The following XK variants were observed in gnomAD, a reference collection of about 807,000 sequenced individuals.
XK encodes X-linked Kx blood group antigen, Kell and VPS13A binding protein.
Under a neutral mutation model 14.0 loss-of-function variants are expected in XK, and 2 were observed. That is an observed-to-expected ratio of 0.14 (90% CI 0.06 to 0.45). XK has a LOEUF of 0.45. XK is among the 20% of genes least tolerant of loss of function. The pLI is 0.98. For missense variants in XK, 235 were observed against 341.5 expected (o/e 0.69, Z 2.46); for synonymous variants, 149 against 147.5 (o/e 1.01, Z -0.08).
At position 37,729,562 on chromosome X, in the gene XK, C is replaced by T. The variant is rs1050813273; in HGVS notation, c.*1100C>T. On this transcript the variant is annotated 3_prime_UTR_variant, in exon 3 of 3. Transcript: ENST00000378616. ...AGATCTCCAGTTGTATCCTCTGACA[C>T]CCTTTAATGTTCTATATAATTTTTC... 1.2e-4 allele frequency: 13 copies of T among 111,744 alleles called. No individual in the cohort carries two copies. The highest frequency in any genetic ancestry group is 3.9e-4 in the African/African-American group (12 of 30,748). The allele number at this position is 111,744 out of a possible 1,213,427, so 9.2% of individuals were successfully genotyped here. A position where few individuals can be genotyped will look rare whatever the true frequency, so the allele number is the denominator to read the frequency against.
intron 2 of XK, among the ~76,000 whole-genome samples, chrX:37,706,586 G>A (rs1157810599): frequency 3.0e-5 from 3 of 101,378 alleles, no homozygotes; most frequent in African/African-American, 1.2e-4. Context: ...CGTGCAGGTG[G>A]GCCCAGGACA....
chrX:37,719,478 C>T (rs1927828836), intron 2 of XK, among the ~76,000 whole-genome samples: 1 of 110,446 alleles, frequency 9.1e-6, no homozygotes, highest in South Asian at 3.7e-4. Flanking sequence ...GGGACATTTC[C>T]ACTCTACTGT....
At chrX:37,692,261 G>A (rs1301513584) in intron 1 of XK, among the ~76,000 whole-genome samples, 2 of 110,667 alleles carry the variant, frequency 1.8e-5, no homozygotes, top group Non-Finnish European at 3.8e-5. Flanking sequence ...TTATTATTGT[G>A]CATATGTCCC....
At chrX:37,689,450 T>G (rs1468664667) in intron 1 of XK, among the ~76,000 whole-genome samples, 1 of 112,340 alleles carries the variant, frequency 8.9e-6, no homozygotes, top group Non-Finnish European at 1.9e-5. Flanking sequence ...TTAATAATAT[T>G]TCTAAATTGT....
At chrX:37,715,156 A>G (rs2146827318) in intron 2 of XK, among the ~76,000 whole-genome samples, 1 of 110,241 alleles carries the variant, frequency 9.1e-6, no homozygotes, top group African/African-American at 3.3e-5. Flanking sequence ...GTGTGTGTAT[A>G]TATAGTCCTC....
At chrX:37,717,515 G>T (rs1927788014) in intron 2 of XK, among the ~76,000 whole-genome samples, 3 of 111,762 alleles carry the variant, frequency 2.7e-5, no homozygotes, top group Admixed American at 9.5e-5. Flanking sequence ...TTTTGCATAA[G>T]AAAGATGAGC....
chrX:37,718,457 G>A (rs898074082), intron 2 of XK, among the ~76,000 whole-genome samples: 13 of 111,943 alleles, frequency 1.2e-4, no homozygotes, highest in African/African-American at 3.9e-4. Context: ...TGAATATACC[G>A]CAATGTATTG....
At chrX:37,724,151 A>T (rs1012693139) in intron 2 of XK, among the ~76,000 whole-genome samples, 3 of 111,803 alleles carry the variant, frequency 2.7e-5, no homozygotes, top group African/African-American at 9.7e-5. Flanking sequence ...CAGAGTTTTT[A>T]TGTCTAATTA....
intron 2 of XK, among the ~76,000 whole-genome samples, chrX:37,703,380 A>C (rs377343621): frequency 1.8e-5 from 2 of 112,233 alleles, no homozygotes; most frequent in East Asian, 2.8e-4. Flanking sequence ...GTAGGATAAA[A>C]AGAATTCACC....
intron 2 of XK, among the ~76,000 whole-genome samples, chrX:37,697,978 A>G (rs957977002): frequency 9.8e-5 from 11 of 111,852 alleles, no homozygotes; most frequent in Non-Finnish European, 2.1e-4. Flanking sequence ...TGTGAGCTTC[A>G]GTCTTGGGTG....
At chrX:37,712,690 G>A (rs189968875) in intron 2 of XK, among the ~76,000 whole-genome samples, 151 of 111,827 alleles carry the variant, frequency 1.4e-3, no homozygotes, top group Non-Finnish European at 2.0e-3. Flanking sequence ...CTGGGTGGCT[G>A]TGGGTCTTTG....
At chrX:37,698,917 T>C (rs1263533113) in intron 2 of XK, among the ~76,000 whole-genome samples, 2 of 112,129 alleles carry the variant, frequency 1.8e-5, no homozygotes, top group African/African-American at 3.2e-5. Context: ...TGAAAACTGC[T>C]AGATGAAGAA....
chrX:37,710,261 G>A (rs1285305672), intron 2 of XK, among the ~76,000 whole-genome samples: 2 of 111,781 alleles, frequency 1.8e-5, no homozygotes, highest in African/African-American at 3.3e-5. Flanking sequence ...GAAGTCGAGG[G>A]TGTCAACAAA....
intron 2 of XK, among the ~76,000 whole-genome samples, chrX:37,708,618 G>C (rs1556446034): frequency 8.9e-6 from 1 of 112,307 alleles, no homozygotes; most frequent in African/African-American, 3.2e-5. Flanking sequence ...GAACAGACCA[G>C]TACTCCAAGA....
intron 2 of XK, among the ~76,000 whole-genome samples, chrX:37,700,077 G>C (rs1207743955): frequency 8.9e-6 from 1 of 111,849 alleles, no homozygotes; most frequent in Non-Finnish European, 1.9e-5. Flanking sequence ...CTTTCTGCGA[G>C]GTCAGTATGC....
chrX:37,707,233 C>T (rs782767410), intron 2 of XK, among the ~76,000 whole-genome samples: 52 of 110,117 alleles, frequency 4.7e-4, no homozygotes, highest in African/African-American at 1.5e-3. Flanking sequence ...CCCCACCTCC[C>T]GGACGGGGCG....
At chrX:37,692,946 TGTC>T (rs1927229777) in intron 1 of XK, among the ~76,000 whole-genome samples, 1 of 110,320 alleles carries the variant, frequency 9.1e-6, no homozygotes, top group Admixed American at 9.7e-5. Flanking sequence ...TGGGACAAAA[TGTC>T]GTACACAAAT....
chrX:37,721,274 A>T (rs1927865450), intron 2 of XK, among the ~76,000 whole-genome samples: 1 of 111,350 alleles, frequency 9.0e-6, no homozygotes, highest in South Asian at 3.7e-4. Context: ...GATGTTGAGC[A>T]TTTTTAACAT....
rs1222330719 is a variant in XK, at chrX:37,688,059, CTTTT to C, written c.245+1869_245+1872del. On this transcript the variant is annotated intron_variant, in intron 1 of 2. Coordinates refer to ENST00000378616, the MANE Select transcript of XK (RefSeq NM_021083.4). ...TCTTTCTTTCTTTCTTTCTTTCTTT[CTTTT>C]TTTTTTTTTTTTTTTGAGACGGAGT... is the stretch of plus-strand genomic sequence containing the variant. Among the ~76,000 whole-genome samples the C allele has an allele frequency of 5.3e-4, 29 of 54,633 alleles. No homozygotes were observed. In the East Asian group the frequency reaches 9.7e-3, roughly 18 times the overall value. 47.4% of individuals were successfully genotyped at this position (54,633 alleles called of 115,157 possible).
Sources: allele counts gnomAD v4.1 joint callset (sites outside exome capture counted in the v4.1 genomes callset), GRCh38; gene constraint gnomAD v4.1.1; transcripts MANE v1.5; gene names NCBI Gene and HGNC (gene_info 2026-07-23, HGNC 2026-07-21).